RAI2: variants seen among roughly 807,000 people sequenced by gnomAD.
RAI2 encodes retinoic acid-induced protein 2.
In RAI2, 5 loss-of-function variants were observed where a neutral mutation model predicts 15.3. The ratio of observed to expected loss-of-function variants is 0.33; its 90% CI spans 0.17 to 0.69. The LOEUF (loss-of-function observed/expected upper bound fraction) is 0.69, where lower values mean the gene tolerates loss of function less well. RAI2 is among the 30% of genes least tolerant of loss of function. RAI2 has a pLI of 0.69. For synonymous variants in RAI2, 191 were observed against 184.0 expected, an observed-to-expected ratio of 1.04 and a Z score of -0.31; for missense variants, 424 against 424.7, an observed-to-expected ratio of 1.00 and a Z score of 0.01.
chrX:17,856,742 G>GGCT (rs2067612341), intron 1 of RAI2, among the ~76,000 whole-genome samples: 1 of 112,227 alleles, frequency 8.9e-6, no homozygotes, highest in African/African-American at 3.2e-5. Flanking sequence ...TCAGGGCAGG[G>GGCT]GCTGGGAGAG....
Position 17,824,123 on chromosome X carries a change from G to C in RAI2, c.-24-22089C>G, listed in dbSNP as rs755795410. ...ACGAACGAAGAAACAAACGAATACA[G>C]CTGCATAGCAAATGTCTGCAAATAA... On this transcript the variant is annotated intron_variant, in intron 1 of 1. Coordinates refer to ENST00000451717, the MANE Select transcript of RAI2 (RefSeq NM_021785.6). Among the ~76,000 whole-genome samples, 3 of 112,954 alleles carry C rather than the reference G, an allele frequency of 2.7e-5. No individual in the cohort carries two copies. The Admixed American group carries it at 2.8e-4, about 11-fold the overall frequency.
chrX:17,842,564 G>A (rs769771507), intron 1 of RAI2, among the ~76,000 whole-genome samples: 5 of 108,405 alleles, frequency 4.6e-5, no homozygotes, highest in Admixed American at 2.0e-4. Flanking sequence ...ATAAATGATC[G>A]GCAAAGTTTT....
intron 1 of RAI2, among the ~76,000 whole-genome samples, chrX:17,813,712 C>T (rs1024595197): frequency 6.3e-5 from 7 of 111,652 alleles, no homozygotes; most frequent in South Asian, 7.7e-4. Context: ...CTCCTGAGTA[C>T]GTGCCTCCCT....
chrX:17,854,840 A>C (rs991630446), intron 1 of RAI2, among the ~76,000 whole-genome samples: 3 of 110,554 alleles, frequency 2.7e-5, no homozygotes, highest in Admixed American at 1.9e-4. Context: ...AACAAAACCA[A>C]CTCCTTCTGA....
intron 1 of RAI2, among the ~76,000 whole-genome samples, chrX:17,849,378 A>G (rs1479713345): frequency 1.8e-5 from 2 of 112,530 alleles, no homozygotes; most frequent in African/African-American, 6.5e-5. Context: ...CTACTGAACC[A>G]CGCTGTACAG....
At chrX:17,848,837 C>A (rs1569357008) in intron 1 of RAI2, among the ~76,000 whole-genome samples, 2 of 112,575 alleles carry the variant, frequency 1.8e-5, no homozygotes, top group Non-Finnish European at 3.8e-5. Flanking sequence ...TCTGCCTGGG[C>A]TTGCCCTAGA....
At chrX:17,817,301 C>A (rs1395832217) in intron 1 of RAI2, among the ~76,000 whole-genome samples, 1 of 111,130 alleles carries the variant, frequency 9.0e-6, no homozygotes, top group African/African-American at 3.3e-5. Context: ...GGCTTTCATA[C>A]CAGTGGCTTT....
chrX:17,825,722 T>TA lies in RAI2; in HGVS notation c.-24-23689dup, dbSNP rs766885170. ...CCACTACAAACATCATTGTGACCAT[T>TA]ACAGTAAGTCTTACTGAAGAAAGAA... On this transcript the variant is annotated intron_variant, in intron 1 of 1. Coordinates refer to ENST00000451717, the MANE Select transcript of RAI2 (RefSeq NM_021785.6). Among the ~76,000 whole-genome samples, 838 of 112,833 alleles carry TA rather than the reference T, an allele frequency of 7.4e-3. 7 individuals are homozygous for TA. The highest frequency in any genetic ancestry group is 0.012 in the Non-Finnish European group (637 of 53,336).
At chrX:17,819,703 A>G (rs1323635902) in intron 1 of RAI2, among the ~76,000 whole-genome samples, 1 of 112,627 alleles carries the variant, frequency 8.9e-6, no homozygotes, top group African/African-American at 3.2e-5. Flanking sequence ...ACCATGTTGA[A>G]GGAAGGAAGC....
At chrX:17,830,497 TG>T (rs1170325040) in intron 1 of RAI2, among the ~76,000 whole-genome samples, 33 of 110,651 alleles carry the variant, frequency 3.0e-4, no homozygotes, top group African/African-American at 1.1e-3. Flanking sequence ...GTTTTTTTTT[TG>T]TTGTTGTTTT....
Position 17,821,156 on chromosome X carries a change from A to C in RAI2, c.-24-19122T>G, listed in dbSNP as rs184105069. Among the ~76,000 whole-genome samples, 3 of 112,423 alleles carry C rather than the reference A, an allele frequency of 2.7e-5. No individual in the cohort carries two copies. The East Asian group carries it at 8.3e-4, about 31-fold the overall frequency. ...TATCCTTGGATCATGACAATGTTCT[A>C]TACATGGTCCACTTTTTTGGTTTTA... is the stretch of plus-strand genomic sequence containing the variant. On this transcript the variant is annotated intron_variant, in intron 1 of 1. Transcript: ENST00000451717.
intron 1 of RAI2, among the ~76,000 whole-genome samples, chrX:17,833,818 G>A (rs1275165339): frequency 1.8e-5 from 2 of 111,955 alleles, no homozygotes; most frequent in African/African-American, 6.5e-5. Context: ...TACTTGCTTT[G>A]AGCTTGATCC....
In RAI2 at chrX:17,800,574, G is replaced by A. The variant is rs2066891269; in HGVS notation, c.1437C>T (p.Asp479=). The part of the protein sequence containing the change: ...KREDSVLQGY[D]INSQGEESMG... ...TGGACTCTTCCCCTTGGCTGTTGAT[G>A]TCATAGCCCTGAAGCACGGAGTCTT... is the stretch of plus-strand genomic sequence containing the variant. The change falls in exon 2 of 2, where the codon GAC becomes GAT. Residue 479 remains aspartate (D), a synonymous_variant. Transcript: ENST00000451717. 8.3e-7 allele frequency: 1 copy of A among 1,209,144 alleles called. No individual in the cohort carries two copies. The highest frequency in any genetic ancestry group is 1.8e-5 in the African/African-American group (1 of 57,048).
chrX:17,809,663 C>T (rs953146111), intron 1 of RAI2, among the ~76,000 whole-genome samples: 22 of 110,134 alleles, frequency 2.0e-4, no homozygotes, highest in African/African-American at 7.3e-4. Flanking sequence ...AGAATGAAAA[C>T]GTTACAACTC....
chrX:17,856,134 G>A (rs973958526), intron 1 of RAI2, among the ~76,000 whole-genome samples: 8 of 112,226 alleles, frequency 7.1e-5, no homozygotes, highest in Non-Finnish European at 1.5e-4. Context: ...TAGAATTACT[G>A]AGTTGTTGGA....
At chrX:17,850,139 T>C (rs758076653) in intron 1 of RAI2, among the ~76,000 whole-genome samples, 226 of 112,055 alleles carry the variant, frequency 2.0e-3, no homozygotes, top group African/African-American at 6.8e-3. Flanking sequence ...GCTTCATATG[T>C]GGACTTTTAT....
chrX:17,802,124 C>T (rs1471874633), intron 1 of RAI2, 90 bp from the exon 2 acceptor site: 10 of 1,046,131 alleles, frequency 9.6e-6, no homozygotes, highest in East Asian at 3.1e-5. Context: ...AAAGTTTCCA[C>T]GTTTTAGTTA....
rs1210213477 is a variant in RAI2 at position 17,824,067 on chromosome X, T to C, written c.-24-22033A>G. ...GGTGCTGAATCAATAAGTGAATGAA[T>C]AGATGAATAAATAGATAAACGAATG... On this transcript the variant is annotated intron_variant, in intron 1 of 1. Transcript: ENST00000451717. Among the ~76,000 whole-genome samples, 31 of 112,229 alleles carry C rather than the reference T, an allele frequency of 2.8e-4. No individual in the cohort carries two copies. The Admixed American group carries it at 2.9e-3, about 11-fold the overall frequency.
intron 1 of RAI2, among the ~76,000 whole-genome samples, chrX:17,842,080 G>A (rs777247389): frequency 1.7e-4 from 19 of 112,151 alleles, no homozygotes; most frequent in African/African-American, 6.2e-4. Flanking sequence ...ATCCTGACAG[G>A]CAGGTATCAC....
Sources: allele counts gnomAD v4.1 joint callset (sites outside exome capture counted in the v4.1 genomes callset), GRCh38; gene constraint gnomAD v4.1.1; transcripts MANE v1.5; gene names NCBI Gene and HGNC (gene_info 2026-07-23, HGNC 2026-07-21).